PTK2: variants seen among roughly 807,000 people sequenced by gnomAD.
PTK2 encodes the protein protein tyrosine kinase 2, also known as focal adhesion kinase 1.
PTK2 carries 45 observed loss-of-function variants against 150.1 expected under a neutral mutation model. The observed-to-expected ratio is 0.30, with a 90% CI of 0.24 to 0.38. The LOEUF is 0.38. PTK2 is among the 10% of genes least tolerant of loss of function. The pLI, the probability that PTK2 is intolerant of heterozygous loss-of-function variation, is 1.00. For missense variants in PTK2, 919 were observed against 1,307.3 expected, an observed-to-expected ratio of 0.70 and a Z score of 4.58; for synonymous variants, 432 against 449.2, an observed-to-expected ratio of 0.96 and a Z score of 0.48.
chr8:140,811,843 T>C (rs367630332), intron 10 of PTK2, among the ~76,000 whole-genome samples: 2 of 152,036 alleles, frequency 1.3e-5, no homozygotes, highest in Non-Finnish European at 1.5e-5. Context: ...CTTTCTGAAA[T>C]AGGAGTCAGA....
intron 15 of PTK2, 127 bp downstream of exon 17, chr8:140,764,107 A>G (rs371649932): frequency 2.4e-6 from 2 of 835,838 alleles, no homozygotes; most frequent in African/African-American, 3.3e-5. Context: ...GTTGAAAAGA[A>G]TATTTCTGTT....
chr8:140,674,212 C>CT (rs1491388695), intron 29 of PTK2, 86 bp downstream of exon 32: 1 of 1,326,794 alleles, frequency 7.5e-7, no homozygotes, highest in East Asian at 2.3e-5. Context: ...ACCAACTCCA[C>CT]TCTATGACAT....
At chr8:140,951,211 A>T (rs529335236) in intron 1 of PTK2, among the ~76,000 whole-genome samples, 1 of 152,126 alleles carries the variant, frequency 6.6e-6, no homozygotes, top group African/African-American at 2.4e-5. Context: ...TTGCTTGCCT[A>T]GAGTTCTGGT....
intron 1 of PTK2, among the ~76,000 whole-genome samples, chr8:140,960,529 A>G (rs1319453457): frequency 6.6e-6 from 1 of 152,132 alleles, no homozygotes; most frequent in Non-Finnish European, 1.5e-5. Context: ...TTAAAAAAAG[A>G]ATAAGTAATC....
intron 3 of PTK2, among the ~76,000 whole-genome samples, chr8:140,884,336 T>C (rs1207970565): frequency 2.6e-5 from 4 of 152,156 alleles, no homozygotes; most frequent in Non-Finnish European, 5.9e-5. Flanking sequence ...TCTTAAAGCT[T>C]TCCTTTCTAG....
At chr8:140,727,869 C>A (rs761237038) in intron 22 of PTK2, among the ~76,000 whole-genome samples, 2 of 152,118 alleles carry the variant, frequency 1.3e-5, no homozygotes, top group Non-Finnish European at 2.9e-5. Flanking sequence ...AAAGTAGCTA[C>A]TGAGTAGAAA....
At chr8:140,860,435 C>G (rs1449940349) in intron 5 of PTK2, among the ~76,000 whole-genome samples, 1 of 152,134 alleles carries the variant, frequency 6.6e-6, no homozygotes. Context: ...ATACTCAAGG[C>G]TTTTGGTATA....
At chr8:140,767,280 T>C (rs991222539) in intron 14 of PTK2, among the ~76,000 whole-genome samples, 5 of 151,326 alleles carry the variant, frequency 3.3e-5, no homozygotes, top group Non-Finnish European at 7.4e-5. Flanking sequence ...TTTAGCTGGA[T>C]GAATTGTACA....
At chr8:140,772,700 A>AG (rs751418987) in intron 14 of PTK2, among the ~76,000 whole-genome samples, 2 of 143,780 alleles carry the variant, frequency 1.4e-5, no homozygotes, top group African/African-American at 6.0e-5. Flanking sequence ...TGGTTCAAGG[A>AG]AAAAACTAAC....
chr8:140,733,764 G>A (rs1349514248), intron 22 of PTK2, among the ~76,000 whole-genome samples: 7 of 152,194 alleles, frequency 4.6e-5, no homozygotes, highest in Non-Finnish European at 1.0e-4. Context: ...AAGGCCTATC[G>A]TGTGAAAGGC....
At chr8:140,865,811 T>C (rs2100138944) in intron 4 of PTK2, among the ~76,000 whole-genome samples, 1 of 152,184 alleles carries the variant, frequency 6.6e-6, no homozygotes, top group Non-Finnish European at 1.5e-5. Context: ...TGAGACAGGG[T>C]CTGGCTTTGT....
At chr8:140,806,356 C>G (rs780208327) in intron 10 of PTK2, among the ~76,000 whole-genome samples, 12 of 152,130 alleles carry the variant, frequency 7.9e-5, no homozygotes, top group Non-Finnish European at 1.5e-4. Flanking sequence ...TGACAAAATG[C>G]ACCTGTATCA....
intron 1 of PTK2, among the ~76,000 whole-genome samples, chr8:140,987,062 A>T (rs1041697678): frequency 1.3e-5 from 2 of 152,222 alleles, no homozygotes; most frequent in African/African-American, 4.8e-5. Flanking sequence ...GCCACTGTTA[A>T]GAAAATGAAA....
chr8:140,686,701 A>G lies in PTK2; in HGVS notation c.2500-7T>C. ...AGAGTCTCACATCAGGTTTCTGAAGAAATTAAAACAAAATCAAAACAATTT... is the reference window on the plus strand; with the variant it reads ...AGAGTCTCACATCAGGTTTCTGAAGGAATTAAAACAAAATCAAAACAATTT... On this transcript the variant is annotated splice_region_variant and splice_polypyrimidine_tract_variant and intron_variant, in intron 26 of 31. Coordinates refer to ENST00000522684, the Ensembl canonical transcript of PTK2. The G allele has an allele frequency of 6.2e-7, 1 of 1,609,590 alleles. No individual in the cohort carries two copies. The highest frequency in any genetic ancestry group is 8.5e-7 in the Non-Finnish European group (1 of 1,176,588).
chr8:140,841,613 A>C (rs1328857675), intron 7 of PTK2, among the ~76,000 whole-genome samples: 1 of 152,100 alleles, frequency 6.6e-6, no homozygotes, highest in Non-Finnish European at 1.5e-5. Context: ...AGAAAGACAA[A>C]CTTCTGTAAT....
At chr8:140,700,457 C>T (rs2100029565) in intron 26 of PTK2, among the ~76,000 whole-genome samples, 1 of 151,830 alleles carries the variant, frequency 6.6e-6, no homozygotes, top group Non-Finnish European at 1.5e-5. Flanking sequence ...TAGGCATTAA[C>T]CACCACATCC....
chr8:140,985,272 C>T (rs1188865639), intron 1 of PTK2, among the ~76,000 whole-genome samples: 1 of 152,060 alleles, frequency 6.6e-6, no homozygotes, highest in Non-Finnish European at 1.5e-5. Context: ...TACAGGTATG[C>T]ACCACCATGC....
intron 5 of PTK2, among the ~76,000 whole-genome samples, chr8:140,859,699 C>T (rs751734016): frequency 7.2e-5 from 11 of 152,136 alleles, no homozygotes; most frequent in East Asian, 3.8e-4. Context: ...GATAAATATA[C>T]GCTGGCTATA....
intron 14 of PTK2, among the ~76,000 whole-genome samples, chr8:140,776,088 C>T (rs759267938): frequency 1.5e-4 from 23 of 152,200 alleles, no homozygotes; most frequent in Non-Finnish European, 2.9e-4. Context: ...ACTATAACCT[C>T]CGGCTCCCAG....
Sources: gnomAD v4.1 joint callset for allele counts (sites outside exome capture counted in the v4.1 genomes callset) on GRCh38, gnomAD v4.1.1 for gene constraint, MANE v1.5 for transcripts, NCBI Gene and HGNC (gene_info 2026-07-23, HGNC 2026-07-21) for gene names.